The following SLC35G1 variants were observed in gnomAD, a reference collection of about 807,000 sequenced individuals.
SLC35G1 encodes the protein solute carrier family 35 member G1.
SLC35G1 carries 10 observed loss-of-function variants against 17.1 expected under a neutral mutation model. The observed-to-expected ratio is 0.59, with a 90% CI of 0.36 to 0.99. The LOEUF is 0.99. Among genes scored for constraint, SLC35G1 ranks in the 50% least tolerant of loss-of-function variants. The probability of loss-of-function intolerance (pLI) is 0.01; values close to 1 mark genes in which losing one functional copy is unlikely to be tolerated. For synonymous variants in SLC35G1, 185 were observed against 181.1 expected, an observed-to-expected ratio of 1.02 and a Z score of -0.18; for missense variants, 433 against 468.4, an observed-to-expected ratio of 0.92 and a Z score of 0.70.
At chr10:93,907,908 A>G (rs1218983996), downstream of SLC35G1, 1 of 152,242 alleles carries the variant, frequency 6.6e-6, no homozygotes, top group African/African-American at 2.4e-5. Flanking sequence ...AGGGAGCTAC[A>G]TATATACATT....
In SLC35G1 at chr10:93,894,164, G is replaced by A. The variant is rs757961198; in HGVS notation, c.131G>A (p.Arg44Lys). The change falls in exon 1 of 3, where the codon AGG (arginine) becomes AAG (lysine). Residue 44 changes from arginine (R) to lysine (K), a missense_variant. Coordinates refer to ENST00000427197, the MANE Select transcript of SLC35G1 (RefSeq NM_001134658.3). ...AEAAGAPDRG[R>K]CWLCLSSPCC... ...GCAGCTGGGGCGCCAGACCGCGGTA[G>A]GTGCTGGCTCTGCCTTTCCTCGCCG... 3.6e-5 allele frequency: 53 copies of A among 1,475,736 alleles called. No homozygotes were observed. The East Asian group carries it at 1.5e-3, about 43-fold the overall frequency. 91.4% of individuals were successfully genotyped at this position (1,475,736 alleles called of 1,614,324 possible).
Position 93,900,860 on chromosome 10 carries a change from C to T in SLC35G1, c.468C>T (p.Leu156=), listed in dbSNP as rs375421177. The change falls in exon 3 of 3, where the codon CTC becomes CTT. Residue 156 remains leucine (L), a synonymous_variant. Transcript: ENST00000427197. ...ACTATGCTTACCAGACAATGTCCCTCGCTGATGCCACAGTTATCACGTTTA... is the reference window on the plus strand; with the variant it reads ...ACTATGCTTACCAGACAATGTCCCTTGCTGATGCCACAGTTATCACGTTTA... ...LIYYAYQTMS[L]ADATVITFSS... 20 of 1,613,958 alleles carry T rather than the reference C, an allele frequency of 1.2e-5. No homozygotes were observed. Among genetic ancestry groups the T allele is most frequent in the Middle Eastern group, 1.6e-4 (1 of 6,082 alleles).
rs752200096 is a variant in SLC35G1 at position 93,901,169 on chromosome 10, A to G, written c.777A>G (p.Val259=). ...ACTTTCTGAGCATTTGGTATTATGT[A>G]GTACTTGGCCTCGTTGAAAGTGTCA... ...VDYFLSIWYY[V]VLGLVESVII... is the part of the protein sequence containing the mutation. Residue 259 remains valine, a synonymous_variant, in exon 3 of 3, where the codon GTA becomes GTG. Transcript: ENST00000427197. The G allele has an allele frequency of 3.1e-6, 5 of 1,613,998 alleles. No homozygotes were observed. The African/African-American group carries it at 6.7e-5, about 22-fold the overall frequency.
chr10:93,902,888 G>A lies in SLC35G1; in HGVS notation c.*1398G>A, dbSNP rs1238302759. On this transcript the variant is annotated 3_prime_UTR_variant, in exon 3 of 3. Transcript: ENST00000427197. ...ATTTAATATCTAGAAAAGCTTGGGAGGTTAGTCAGGACTTAGGGAGTATAC... is the reference window on the plus strand; with the variant it reads ...ATTTAATATCTAGAAAAGCTTGGGAAGTTAGTCAGGACTTAGGGAGTATAC... The A allele has an allele frequency of 6.6e-6, 1 of 152,558 alleles. No individual in the cohort carries two copies. Among genetic ancestry groups the A allele is most frequent in the Non-Finnish European group, 1.5e-5 (1 of 68,034 alleles). The allele number at this position is 152,558 out of a possible 1,614,324, so 9.5% of individuals were successfully genotyped here. A position where few individuals can be genotyped will look rare whatever the true frequency, so the allele number is the denominator to read the frequency against.
intron 1 of SLC35G1, among the ~76,000 whole-genome samples, chr10:93,896,214 T>C (rs1312887543): frequency 6.6e-6 from 1 of 152,160 alleles, no homozygotes; most frequent in Non-Finnish European, 1.5e-5. Context: ...CAGGGTGGTC[T>C]CAAACTTTTG....
In SLC35G1 at chr10:93,902,289, A is replaced by T. The variant is rs1444123460; in HGVS notation, c.*799A>T. On this transcript the variant is annotated 3_prime_UTR_variant, in exon 3 of 3. Transcript: ENST00000427197. ...ATTTTTCTTAACATTCCAAGATTTC[A>T]GATCTCTAAATCACAAAGAGAAATC... is the stretch of plus-strand genomic sequence containing the variant. The T allele has an allele frequency of 1.3e-5, 2 of 152,620 alleles. No individual in the cohort carries two copies. Among genetic ancestry groups the T allele is most frequent in the South Asian group, 4.1e-4 (2 of 4,828 alleles). The allele number at this position is 152,620 out of a possible 1,614,324, so 9.5% of individuals were successfully genotyped here.
chr10:93,906,059 C>T (rs1413222140), downstream of SLC35G1, among the ~76,000 whole-genome samples: 4 of 152,052 alleles, frequency 2.6e-5, no homozygotes, highest in African/African-American at 9.7e-5. Flanking sequence ...TATACTTGAC[C>T]ATGATTTAAG....
chr10:93,903,678 A>G lies in SLC35G1; in HGVS notation c.*2188A>G, dbSNP rs1336865583. ...CCCTTACAGGGTGTGATTCTTAAAC[A>G]CAATGTCCAAGGTGTATACAAGGAT... On this transcript the variant is annotated 3_prime_UTR_variant, in exon 3 of 3. Transcript: ENST00000427197. 6.6e-6 allele frequency: 1 copy of G among 152,226 alleles called. No homozygotes were observed. The highest frequency in any genetic ancestry group is 2.4e-5 in the African/African-American group (1 of 41,458). 9.4% of individuals were successfully genotyped at this position (152,226 alleles called of 1,614,324 possible).
At chr10:93,897,390 A>G (rs2060340806) in intron 1 of SLC35G1, among the ~76,000 whole-genome samples, 1 of 152,198 alleles carries the variant, frequency 6.6e-6, no homozygotes, top group Non-Finnish European at 1.5e-5. Flanking sequence ...TAGCTATCAC[A>G]TTATAAAGTC....
chr10:93,902,940 C>G lies in SLC35G1; in HGVS notation c.*1450C>G, dbSNP rs1293173033. On this transcript the variant is annotated 3_prime_UTR_variant, in exon 3 of 3. Transcript: ENST00000427197. ...TAAATGGTTACTTGTTGTAATGAGCCCTTTATTGGTGAGGTTGCAATAGCT... is the reference window on the plus strand; with the variant it reads ...TAAATGGTTACTTGTTGTAATGAGCGCTTTATTGGTGAGGTTGCAATAGCT... The G allele has an allele frequency of 6.6e-6, 1 of 152,066 alleles. No individual in the cohort carries two copies. Among genetic ancestry groups the G allele is most frequent in the Non-Finnish European group, 1.5e-5 (1 of 67,994 alleles). 9.4% of individuals were successfully genotyped at this position (152,066 alleles called of 1,614,324 possible).
chr10:93,900,490 TAATTG>T (rs2060372773), intron 2 of SLC35G1, among the ~76,000 whole-genome samples: 1 of 152,138 alleles, frequency 6.6e-6, no homozygotes, highest in East Asian at 1.9e-4. Flanking sequence ...ATATCTATAT[TAATTG>T]AATTATAATT....
At chr10:93,896,153 A>C (rs1251592655) in intron 1 of SLC35G1, among the ~76,000 whole-genome samples, 1 of 152,058 alleles carries the variant, frequency 6.6e-6, no homozygotes, top group African/African-American at 2.4e-5. Context: ...ACCACACCCG[A>C]CTAATTTAAA....
rs1284749818 is a variant in SLC35G1, at chr10:93,901,404, A to G, written c.1012A>G (p.Thr338Ala). 5 of 1,613,944 alleles carry G rather than the reference A, an allele frequency of 3.1e-6. No homozygotes were observed. The highest frequency in any genetic ancestry group is 2.2e-5 in the South Asian group (2 of 91,086). The change falls in exon 3 of 3, where the codon ACG (threonine) becomes GCG (alanine). Residue 338 changes from threonine to alanine, a missense_variant. By Grantham distance (58) the Thr-to-Ala change is moderately conservative. Transcript: ENST00000427197. ...GATTATTTTCTTTAATAATGTGCCA[A>G]CGTGGTGGACAGTGGGTGGTGCTCT... ...FQIIFFNNVP[T>A]WWTVGGALCV...
chr10:93,893,995 C>T lies in SLC35G1; in HGVS notation c.-39C>T, dbSNP rs932215941. On this transcript the variant is annotated 5_prime_UTR_variant, in exon 1 of 3. Coordinates refer to ENST00000427197, the MANE Select transcript of SLC35G1 (RefSeq NM_001134658.3). ...GGCAGCCCAGGCGCTGCTGCTGGCG[C>T]CAGACGGCACCGGCCGCTGGTAGAG... 2.2e-6 allele frequency: 3 copies of T among 1,340,162 alleles called. No homozygotes were observed. The highest frequency in any genetic ancestry group is 3.1e-5 in the African/African-American group (2 of 64,984). The allele number at this position is 1,340,162 out of a possible 1,614,324, so 83.0% of individuals were successfully genotyped here.
chr10:93,904,821 T>G (rs187178443), downstream of SLC35G1, among the ~76,000 whole-genome samples: 24 of 152,330 alleles, frequency 1.6e-4, no homozygotes, highest in African/African-American at 5.5e-4. Flanking sequence ...AGTATTGAAC[T>G]GTGGTTAAGA....
chr10:93,900,532 T>C (rs1377887039), intron 2 of SLC35G1, among the ~76,000 whole-genome samples: 3 of 152,082 alleles, frequency 2.0e-5, no homozygotes, highest in Non-Finnish European at 4.4e-5. Context: ...TCACTTGCAC[T>C]GGTTTTGCTT....
intron 1 of SLC35G1, among the ~76,000 whole-genome samples, chr10:93,897,603 TG>T (rs1250177838): frequency 1.3e-5 from 2 of 152,244 alleles, no homozygotes; most frequent in African/African-American, 4.8e-5. Context: ...CTGCTGCTTT[TG>T]CTCTCTGAAT....
chr10:93,897,245 A>G (rs2060339008), intron 1 of SLC35G1, among the ~76,000 whole-genome samples: 1 of 152,166 alleles, frequency 6.6e-6, no homozygotes, highest in African/African-American at 2.4e-5. Flanking sequence ...ATGCCCCAGA[A>G]AGCCTGTGCA....
chr10:93,900,779 A>G lies in SLC35G1; in HGVS notation c.387A>G (p.Gln129=). The part of the protein sequence containing the change: ...RKTGFIGPKG[Q]RIFLILRGVL... ...CTGGGTTTATAGGCCCAAAAGGTCA[A>G]CGAATTTTCCTCATTCTCAGAGGAG... Residue 129 remains glutamine (Q), a synonymous_variant, in exon 3 of 3, where the codon CAA becomes CAG. Coordinates refer to ENST00000427197, the MANE Select transcript of SLC35G1 (RefSeq NM_001134658.3). The G allele has an allele frequency of 6.2e-7, 1 of 1,607,752 alleles. No individual in the cohort carries two copies. The highest frequency in any genetic ancestry group is 8.5e-7 in the Non-Finnish European group (1 of 1,175,070).
Sources: gnomAD v4.1 joint callset for allele counts (sites outside exome capture counted in the v4.1 genomes callset) on GRCh38, gnomAD v4.1.1 for gene constraint, MANE v1.5 for transcripts, NCBI Gene and HGNC (gene_info 2026-07-23, HGNC 2026-07-21) for gene names.